Variants in GRIA4 observed in about 807,000 individuals in gnomAD.
GRIA4 encodes the protein glutamate receptor 4.
Under a neutral mutation model 104.0 loss-of-function variants are expected in GRIA4, and 34 were observed. The ratio of observed to expected loss-of-function variants is 0.33; its 90% confidence interval spans 0.25 to 0.44. The LOEUF (loss-of-function observed/expected upper bound fraction) is 0.44, where lower values mean the gene tolerates loss of function less well. GRIA4 is among the 20% of genes least tolerant of loss of function. The pLI is 1.00. For synonymous variants in GRIA4, 386 were observed against 381.9 expected, an observed-to-expected ratio of 1.01 and a Z score of -0.13; for missense variants, 750 against 1,096.5, an observed-to-expected ratio of 0.68 and a Z score of 4.46.
chr11:105,833,645 C>T (rs1944066974), intron 4 of GRIA4, among the ~76,000 whole-genome samples: 4 of 151,822 alleles, frequency 2.6e-5, no homozygotes, highest in Admixed American at 2.0e-4. Context: ...CACAAGAGTC[C>T]TCTAATATTA....
chr11:105,918,612 T>C, intron 10 of GRIA4, 100 bp from the exon 11 acceptor site: 1 of 652,658 alleles, frequency 1.5e-6, no homozygotes, highest in Non-Finnish European at 2.7e-6. Context: ...GTACCAATAC[T>C]AAATACAATC....
chr11:105,633,911 G>T (rs1951105610), intron 3 of GRIA4, among the ~76,000 whole-genome samples: 1 of 152,172 alleles, frequency 6.6e-6, no homozygotes, highest in African/African-American at 2.4e-5. Context: ...CTGGTGCTTA[G>T]TGCACTTATG....
intron 3 of GRIA4, among the ~76,000 whole-genome samples, chr11:105,743,953 G>C (rs370176317): frequency 6.6e-6 from 1 of 151,944 alleles, no homozygotes; most frequent in East Asian, 1.9e-4. Flanking sequence ...GCTTTAATTT[G>C]CCCTTTTATG....
chr11:105,737,189 T>C lies in GRIA4; in HGVS notation c.248-15792T>C, dbSNP rs915643920. 3.9e-5 allele frequency among the ~76,000 whole-genome samples: 6 copies of C among 152,132 alleles called. No individual in the cohort carries two copies. In the South Asian group the frequency reaches 1.0e-3, roughly 26 times the overall value. ...TAACTTTAACAAGTAACTGGAGTAG[T>C]TGATTATTTCTGTTTCGTGTTGTCC... On this transcript the variant is annotated intron_variant, in intron 3 of 16. Coordinates refer to ENST00000282499, the MANE Select transcript of GRIA4 (RefSeq NM_000829.4).
At chr11:105,894,240 T>C (rs2136116844) in intron 6 of GRIA4, among the ~76,000 whole-genome samples, 1 of 152,240 alleles carries the variant, frequency 6.6e-6, no homozygotes, top group East Asian at 1.9e-4. Flanking sequence ...TTAAAATACC[T>C]CTGTGTAAGA....
chr11:105,662,469 A>G (rs1332277872), intron 3 of GRIA4, among the ~76,000 whole-genome samples: 1 of 151,810 alleles, frequency 6.6e-6, no homozygotes, highest in Non-Finnish European at 1.5e-5. Flanking sequence ...TTTGGTGGGG[A>G]GAAGGATAGG....
chr11:105,723,453 G>T (rs768015113), intron 3 of GRIA4, among the ~76,000 whole-genome samples: 4 of 151,876 alleles, frequency 2.6e-5, no homozygotes, highest in African/African-American at 9.7e-5. Context: ...GTAAAATAAC[G>T]ATTGGTCAGC....
At chr11:105,671,677 C>CAAA (rs377767108) in intron 3 of GRIA4, among the ~76,000 whole-genome samples, 49,488 of 64,560 alleles carry the variant, frequency 0.77, 22,271 homozygotes, top group South Asian at 0.87. Flanking sequence ...GACTCTGTCT[C>CAAA]AAAAAAAAAA....
intron 16 of GRIA4, among the ~76,000 whole-genome samples, chr11:105,975,697 T>C (rs548294946): frequency 6.6e-6 from 1 of 152,188 alleles, no homozygotes; most frequent in East Asian, 1.9e-4. Flanking sequence ...TACCCTAGAG[T>C]CAAAAACCCG....
intron 3 of GRIA4, among the ~76,000 whole-genome samples, chr11:105,734,142 T>C (rs1938787458): frequency 6.6e-6 from 1 of 150,690 alleles, no homozygotes; most frequent in South Asian, 2.1e-4. Flanking sequence ...ATCTACTCAA[T>C]TGGCATTTTC....
chr11:105,794,529 A>T (rs1280305495), intron 4 of GRIA4, among the ~76,000 whole-genome samples: 1 of 136,036 alleles, frequency 7.4e-6, no homozygotes, highest in Non-Finnish European at 1.6e-5. Flanking sequence ...ACACACACAC[A>T]CATATCTGTC....
chr11:105,765,722 C>T (rs922557546), intron 4 of GRIA4, among the ~76,000 whole-genome samples: 4 of 152,158 alleles, frequency 2.6e-5, no homozygotes, highest in African/African-American at 9.7e-5. Flanking sequence ...GAGCCATGCT[C>T]ATTTATTTAC....
intron 3 of GRIA4, among the ~76,000 whole-genome samples, chr11:105,714,010 C>T (rs1051423944): frequency 2.6e-5 from 4 of 152,108 alleles, no homozygotes; most frequent in South Asian, 4.1e-4. Context: ...AACTTAGAGA[C>T]GCTTTGAGGC....
intron 4 of GRIA4, among the ~76,000 whole-genome samples, chr11:105,775,656 CA>C (rs1318607960): frequency 5.3e-5 from 8 of 151,818 alleles, no homozygotes; most frequent in Admixed American, 4.6e-4. Context: ...TAAAAACAGA[CA>C]AAAATATAAG....
At chr11:105,884,210 AAC>A (rs1319176683) in intron 5 of GRIA4, among the ~76,000 whole-genome samples, 2 of 152,240 alleles carry the variant, frequency 1.3e-5, no homozygotes, top group Non-Finnish European at 2.9e-5. Context: ...CACTTGTGTG[AAC>A]ACAGTTCCAT....
At chr11:105,713,365 G>C (rs1172332025) in intron 3 of GRIA4, among the ~76,000 whole-genome samples, 1 of 151,026 alleles carries the variant, frequency 6.6e-6, no homozygotes, top group Non-Finnish European at 1.5e-5. Flanking sequence ...CAGGAAGACA[G>C]ATTGAACTGC....
intron 3 of GRIA4, among the ~76,000 whole-genome samples, chr11:105,747,098 T>C (rs182075752): frequency 6.6e-6 from 1 of 152,314 alleles, no homozygotes; most frequent in East Asian, 1.9e-4. Flanking sequence ...TCTGTTCAAA[T>C]TTGTACTATC....
chr11:105,902,736 G>A (rs17104711), intron 7 of GRIA4, among the ~76,000 whole-genome samples: 12,569 of 152,204 alleles, frequency 0.083, 742 homozygotes, highest in Admixed American at 0.18. Flanking sequence ...CAAATCTACT[G>A]CTCAAACAGG....
At chr11:105,792,465 G>T (rs1347437408) in intron 4 of GRIA4, among the ~76,000 whole-genome samples, 1 of 152,028 alleles carries the variant, frequency 6.6e-6, no homozygotes, top group East Asian at 1.9e-4. Context: ...TGTATTATAA[G>T]AAGCACCATT....
Sources: gnomAD v4.1 joint callset for allele counts (sites outside exome capture counted in the v4.1 genomes callset) on GRCh38, gnomAD v4.1.1 for gene constraint, MANE v1.5 for transcripts, NCBI Gene and HGNC (gene_info 2026-07-23, HGNC 2026-07-21) for gene names.